The following CNTNAP5 variants were observed in gnomAD, a reference collection of about 807,000 sequenced individuals.
CNTNAP5 encodes contactin associated protein family member 5, also known as contactin-associated protein-like 5.
A neutral mutation model predicts 150.2 loss-of-function variants in CNTNAP5; 72 were observed. The ratio of observed to expected loss-of-function variants is 0.48; its 90% CI spans 0.40 to 0.58. The LOEUF (loss-of-function observed/expected upper bound fraction) is 0.58, where lower values mean the gene tolerates loss of function less well. Ranked by LOEUF, CNTNAP5 falls within the 20% of genes least tolerant of loss-of-function variation. The probability of loss-of-function intolerance (pLI) is 0.00; values close to 1 mark genes in which losing one functional copy is unlikely to be tolerated. For synonymous variants in CNTNAP5, 672 were observed against 619.8 expected (o/e 1.08, Z -1.25); for missense variants, 1,636 against 1,626.2 (o/e 1.01, Z -0.10).
chr2:124,748,164 A>G (rs1353281226), intron 14 of CNTNAP5, among the ~76,000 whole-genome samples: 2 of 152,096 alleles, frequency 1.3e-5, no homozygotes, highest in African/African-American at 4.8e-5. Context: ...TAGCAAAGGA[A>G]ATGTATATTT....
intron 11 of CNTNAP5, among the ~76,000 whole-genome samples, chr2:124,573,628 T>A (rs888195290): frequency 2.0e-5 from 3 of 152,216 alleles, no homozygotes; most frequent in Non-Finnish European, 4.4e-5. Flanking sequence ...CACCTATTTT[T>A]AATGTATTTC....
intron 1 of CNTNAP5, among the ~76,000 whole-genome samples, chr2:124,129,234 G>A (rs2104599740): frequency 6.6e-6 from 1 of 152,214 alleles, no homozygotes; most frequent in South Asian, 2.1e-4. Context: ...AAAGTTATAA[G>A]CATATTACTT....
At chr2:124,733,327 A>C (rs1270237323) in intron 13 of CNTNAP5, among the ~76,000 whole-genome samples, 1 of 152,150 alleles carries the variant, frequency 6.6e-6, no homozygotes, top group Non-Finnish European at 1.5e-5. Context: ...TCAGTCAATA[A>C]TTTTCATTTT....
intron 5 of CNTNAP5, among the ~76,000 whole-genome samples, chr2:124,445,516 T>G (rs922376510): frequency 6.6e-6 from 1 of 152,202 alleles, no homozygotes; most frequent in Admixed American, 6.5e-5. Flanking sequence ...AACAAACCAA[T>G]GAAATCAAGT....
chr2:124,740,130 TATA>T (rs1449369866), intron 13 of CNTNAP5, among the ~76,000 whole-genome samples: 1 of 150,202 alleles, frequency 6.7e-6, no homozygotes, highest in African/African-American at 2.4e-5. Flanking sequence ...ACAATATGAA[TATA>T]ATATTTAATT....
chr2:124,885,513 C>T (rs1678061263), intron 21 of CNTNAP5, among the ~76,000 whole-genome samples: 1 of 150,290 alleles, frequency 6.7e-6, no homozygotes, highest in African/African-American at 2.4e-5. Flanking sequence ...CAATATTTTG[C>T]AACAATTGTT....
intron 3 of CNTNAP5, among the ~76,000 whole-genome samples, chr2:124,296,824 G>T (rs530681750): frequency 1.3e-5 from 2 of 152,288 alleles, no homozygotes; most frequent in African/African-American, 4.8e-5. Context: ...AACAGGAAAA[G>T]GATAGCTGCA....
Position 124,243,819 on chromosome 2 carries a change from G to GA in CNTNAP5, c.381+1431dup, listed in dbSNP as rs199576792. Among the ~76,000 whole-genome samples, 33 of 150,074 alleles carry GA rather than the reference G, an allele frequency of 2.2e-4. No individual in the cohort carries two copies. In the East Asian group the frequency reaches 3.4e-3, roughly 15 times the overall value. The stretch of plus-strand genomic sequence containing the variant: ...ACCCCTTGAACCTAAAATAAAAGTT[G>GA]AAAAAGAAAAAAAATTGTATTTTGG... On this transcript the variant is annotated intron_variant, in intron 3 of 23. Coordinates refer to ENST00000682447, the MANE Select transcript of CNTNAP5 (RefSeq NM_001367498.1).
chr2:124,655,945 G>GAGAGAGAGAGAGAGAGAGAGAAAGAA (rs1553427800), intron 13 of CNTNAP5, among the ~76,000 whole-genome samples: 1 of 55,488 alleles, frequency 1.8e-5, no homozygotes, highest in African/African-American at 7.5e-5. Context: ...GAGAGAGAGA[G>GAGAGAGAGAGAGAGAGAGAGAAAGAA]AGAAAGAAAG....
intron 13 of CNTNAP5, among the ~76,000 whole-genome samples, chr2:124,720,093 C>G (rs1353619725): frequency 1.3e-5 from 2 of 152,172 alleles, no homozygotes; most frequent in African/African-American, 2.4e-5. Flanking sequence ...AGCTCCAGGA[C>G]AGTTTTGAAT....
chr2:124,565,952 C>CTTT (rs111873270), intron 11 of CNTNAP5, among the ~76,000 whole-genome samples: 3 of 144,144 alleles, frequency 2.1e-5, no homozygotes, highest in African/African-American at 2.6e-5. Context: ...TTGAGGGATC[C>CTTT]TTTTTTTTTT....
At chr2:124,909,302 T>C (rs1678605344) in intron 22 of CNTNAP5, among the ~76,000 whole-genome samples, 1 of 152,192 alleles carries the variant, frequency 6.6e-6, no homozygotes, top group Non-Finnish European at 1.5e-5. Context: ...TAGTTGCTTA[T>C]AGTATTCACT....
chr2:124,338,205 C>T (rs910807962), intron 3 of CNTNAP5, among the ~76,000 whole-genome samples: 9 of 152,040 alleles, frequency 5.9e-5, no homozygotes, highest in Admixed American at 1.3e-4. Flanking sequence ...GTGATTTTTG[C>T]ACATTGATTT....
intron 1 of CNTNAP5, among the ~76,000 whole-genome samples, chr2:124,066,104 C>T (rs1573728982): frequency 6.6e-6 from 1 of 152,120 alleles, no homozygotes; most frequent in East Asian, 1.9e-4. Context: ...TTAGCTGACA[C>T]TGGGTATTGG....
chr2:124,060,113 G>T (rs1473251971), intron 1 of CNTNAP5, among the ~76,000 whole-genome samples: 2 of 152,110 alleles, frequency 1.3e-5, no homozygotes, highest in Non-Finnish European at 2.9e-5. Context: ...CTATTTTAGT[G>T]TGTTCAGGGT....
chr2:124,155,639 T>C lies in CNTNAP5; in HGVS notation c.83-66066T>C, dbSNP rs369706746. Among the ~76,000 whole-genome samples the C allele has an allele frequency of 3.0e-4, 46 of 152,314 alleles. No homozygotes were observed. The South Asian group carries it at 7.2e-3, about 24-fold the overall frequency. On this transcript the variant is annotated intron_variant, in intron 1 of 23. Coordinates refer to ENST00000682447, the MANE Select transcript of CNTNAP5 (RefSeq NM_001367498.1). ...ATTTTTCTCTCTTGGCTAATTTGTTTGAACACCTCAGCTCTTGTTTTGCTT... is the reference window on the plus strand; with the variant it reads ...ATTTTTCTCTCTTGGCTAATTTGTTCGAACACCTCAGCTCTTGTTTTGCTT...
intron 1 of CNTNAP5, among the ~76,000 whole-genome samples, chr2:124,198,829 G>T: frequency 6.7e-6 from 1 of 149,746 alleles, no homozygotes; most frequent in Non-Finnish European, 1.5e-5. Flanking sequence ...TTTGTGTCTG[G>T]ATGAGAAGTA....
chr2:124,424,162 TCTC>T (rs1261861994), intron 4 of CNTNAP5, among the ~76,000 whole-genome samples: 2 of 152,160 alleles, frequency 1.3e-5, no homozygotes, highest in African/African-American at 4.8e-5. Flanking sequence ...GAAGTCATAT[TCTC>T]CTTCCTCAGA....
At chr2:124,513,238 C>T (rs1047321971) in intron 8 of CNTNAP5, among the ~76,000 whole-genome samples, 3 of 152,166 alleles carry the variant, frequency 2.0e-5, no homozygotes, top group Non-Finnish European at 4.4e-5. Context: ...CTTTTTCTGT[C>T]TTCACATGGT....
Sources: gnomAD v4.1 joint callset for allele counts (sites outside exome capture counted in the v4.1 genomes callset) on GRCh38, gnomAD v4.1.1 for gene constraint, MANE v1.5 for transcripts, NCBI Gene and HGNC (gene_info 2026-07-23, HGNC 2026-07-21) for gene names.